The following FGF18 variants were observed in gnomAD, a reference collection of about 807,000 sequenced individuals.
FGF18 encodes the protein fibroblast growth factor 18.
Under a neutral mutation model 23.0 loss-of-function variants are expected in FGF18, and 5 were observed. The observed-to-expected ratio is 0.22, with a 90% CI of 0.11 to 0.46. The LOEUF is 0.46. FGF18 is among the 20% of genes least tolerant of loss of function. FGF18 has a pLI of 0.99. For missense variants in FGF18, 180 were observed against 291.6 expected, an observed-to-expected ratio of 0.62 and a Z score of 2.79; for synonymous variants, 117 against 118.9, an observed-to-expected ratio of 0.98 and a Z score of 0.10.
chr5:171,420,538 C>A, intron 2 of FGF18, 95 bp downstream of exon 2: 1 of 1,242,568 alleles, frequency 8.0e-7, no homozygotes, highest in Non-Finnish European at 1.2e-6. Context: ...TGTGCCCCAC[C>A]CCTCCTGGGC....
rs890918769 is a variant in FGF18 at position 171,456,409 on chromosome 5, C to T, written c.358-130C>T. The T allele has an allele frequency of 1.1e-5, 9 of 851,876 alleles. No individual in the cohort carries two copies. The highest frequency in any genetic ancestry group is 1.8e-5 in the South Asian group (1 of 56,476). The allele number at this position is 851,876 out of a possible 1,614,324, so 52.8% of individuals were successfully genotyped here. ...AGAGTTAAGCTCAATCTCTCTCCCC[C>T]ACTGCAAAACTTCATTACAGTTGTC... On this transcript the variant is annotated intron_variant, in intron 4 of 4. Transcript: ENST00000274625. This position sits in a 1 kb window ranked among gnomAD's most constrained non-coding sequence, Gnocchi z 6.1.
chr5:171,450,637 GC>G (rs1225418357), intron 4 of FGF18, among the ~76,000 whole-genome samples: 1 of 152,224 alleles, frequency 6.6e-6, no homozygotes, highest in Admixed American at 6.5e-5. Flanking sequence ...TCCGCAGAGC[GC>G]GGCTCCGGGA....
intron 3 of FGF18, among the ~76,000 whole-genome samples, chr5:171,442,731 C>T (rs1772364008): frequency 6.6e-6 from 1 of 152,238 alleles, no homozygotes; most frequent in Non-Finnish European, 1.5e-5. Context: ...CTCTGGCTGC[C>T]TCTCTGAGTC....
intron 3 of FGF18, among the ~76,000 whole-genome samples, chr5:171,443,973 C>A (rs1772383589): frequency 6.6e-6 from 1 of 151,938 alleles, no homozygotes; most frequent in South Asian, 2.1e-4. Flanking sequence ...TTTCATGCAG[C>A]CTTTTCTCCT....
rs1404769849 is a variant in FGF18, at chr5:171,449,392, TGTGTGTGTGAGAGA to T, written c.357+141_357+154del. ...GTGTGTGTGTGTGTGTGTGTGTGTG[TGTGTGTGTGAGAGA>T]GAGAGAGAGAGAGAGAGACAGGAGA... On this transcript the variant is annotated intron_variant, in intron 4 of 4. Coordinates refer to ENST00000274625, the MANE Select transcript of FGF18 (RefSeq NM_003862.3). 14 of 522,202 alleles carry T rather than the reference TGTGTGTGTGAGAGA, an allele frequency of 2.7e-5. No individual in the cohort carries two copies. In the Middle Eastern group the frequency reaches 2.1e-3, roughly 80 times the overall value. 32.3% of individuals were successfully genotyped at this position (522,202 alleles called of 1,614,324 possible).
rs1426622547 is a variant in FGF18 at position 171,457,158 on chromosome 5, GAAAAAAAAAAAAAACA to G, written c.*362_*377del. 1.3e-3 allele frequency: 114 copies of G among 90,692 alleles called. No individual in the cohort carries two copies. Among genetic ancestry groups the G allele is most frequent in the Middle Eastern group, 5.2e-3 (1 of 192 alleles). The allele number at this position is 90,692 out of a possible 1,614,324, so 5.6% of individuals were successfully genotyped here. ...TCCTTTTTCCCAAAGGTTCTGAAAG[GAAAAAAAAAAAAAACA>G]AAAAAAAAGAAAAACAAAGAGAAAG... On this transcript the variant is annotated 3_prime_UTR_variant, in exon 5 of 5. Coordinates refer to ENST00000274625, the MANE Select transcript of FGF18 (RefSeq NM_003862.3).
At chr5:171,423,464 G>A (rs1278471008) in intron 2 of FGF18, among the ~76,000 whole-genome samples, 3 of 152,172 alleles carry the variant, frequency 2.0e-5, no homozygotes, top group Non-Finnish European at 4.4e-5. Context: ...GCTAGGTCCT[G>A]GCCTTCCCCA....
In FGF18 at chr5:171,451,060, CCCCGCCGCCGGCCGCCTCCCG is replaced by C. The variant is rs1404312094; in HGVS notation, c.357+1813_357+1833del. 3.3e-5 allele frequency among the ~76,000 whole-genome samples: 5 copies of C among 151,244 alleles called. No individual in the cohort carries two copies. Among genetic ancestry groups the C allele is most frequent in the Admixed American group, 6.6e-5 (1 of 15,218 alleles). On this transcript the variant is annotated intron_variant, in intron 4 of 4. Coordinates refer to ENST00000274625, the MANE Select transcript of FGF18 (RefSeq NM_003862.3). The surrounding 1 kb of genome is among the most constrained non-coding windows in gnomAD (Gnocchi z 4.5). ...CCCGTCCCCTCGGGCCGCCCCCCCA[CCCCGCCGCCGGCCGCCTCCCG>C]CCCGCGGGCGAGCCGCTGAGTCACC...
intron 2 of FGF18, among the ~76,000 whole-genome samples, chr5:171,433,827 G>A (rs1265597641): frequency 6.6e-6 from 1 of 152,204 alleles, no homozygotes; most frequent in Non-Finnish European, 1.5e-5. Flanking sequence ...CATCTTCCCA[G>A]ATATAAATCT....
intron 2 of FGF18, among the ~76,000 whole-genome samples, chr5:171,428,840 G>A (rs964400762): frequency 4.6e-5 from 7 of 152,200 alleles, no homozygotes; most frequent in Non-Finnish European, 8.8e-5. Flanking sequence ...GGGTCTTTAC[G>A]GCTCCAGGGT....
At position 171,436,311 on chromosome 5, in the gene FGF18, T is replaced by C. The variant is rs1216660163; in HGVS notation, c.250+38T>C. On this transcript the variant is annotated intron_variant, in intron 3 of 4. Transcript: ENST00000274625. The surrounding 1 kb of genome is among the most constrained non-coding windows in gnomAD (Gnocchi z 4.4). ...CCTCTCCTCCTACTCCGTGTACCCG[T>C]GTACATGTCCTTCCTGGCCTCAGAG... 3 of 1,419,578 alleles carry C rather than the reference T, an allele frequency of 2.1e-6. No homozygotes were observed. The highest frequency in any genetic ancestry group is 2.8e-6 in the Non-Finnish European group (3 of 1,072,160). 87.9% of individuals were successfully genotyped at this position (1,419,578 alleles called of 1,614,324 possible).
chr5:171,424,445 A>C (rs1411370258), intron 2 of FGF18, among the ~76,000 whole-genome samples: 1 of 152,252 alleles, frequency 6.6e-6, no homozygotes, highest in Non-Finnish European at 1.5e-5. Flanking sequence ...AAGAGAGGGT[A>C]ATAATTCTGT....
intron 2 of FGF18, among the ~76,000 whole-genome samples, chr5:171,429,935 T>G (rs1421524105): frequency 6.6e-6 from 1 of 152,230 alleles, no homozygotes; most frequent in African/African-American, 2.4e-5. Context: ...GGGAGAACAG[T>G]GGCAGGCGAG....
intron 3 of FGF18, among the ~76,000 whole-genome samples, chr5:171,439,401 G>A (rs1485412860): frequency 6.6e-6 from 1 of 152,182 alleles, no homozygotes; most frequent in Non-Finnish European, 1.5e-5. Flanking sequence ...CAGAGGGCTG[G>A]AGGCTTAGGT....
chr5:171,420,584 G>A (rs1157781188), intron 2 of FGF18, 141 bp downstream of exon 2: 4 of 802,252 alleles, frequency 5.0e-6, no homozygotes, highest in African/African-American at 1.8e-5. Context: ...GGGCGCGGAA[G>A]GGCGGCTCCG....
chr5:171,432,850 G>A (rs1772200966), intron 2 of FGF18, among the ~76,000 whole-genome samples: 1 of 152,214 alleles, frequency 6.6e-6, no homozygotes, highest in Non-Finnish European at 1.5e-5. Flanking sequence ...CTCACTTTTG[G>A]CCGCCGCCTT....
chr5:171,420,850 G>A (rs531622368), intron 2 of FGF18, among the ~76,000 whole-genome samples: 25 of 152,382 alleles, frequency 1.6e-4, no homozygotes, highest in South Asian at 8.3e-4. Flanking sequence ...CAGCCGAGTG[G>A]ATTTCGAGTC....
intron 3 of FGF18, among the ~76,000 whole-genome samples, chr5:171,437,368 ACC>A (rs1772263946): frequency 6.6e-6 from 1 of 152,150 alleles, no homozygotes; most frequent in African/African-American, 2.4e-5. Flanking sequence ...TGGCAGCTGC[ACC>A]GTCACTGGGG....
chr5:171,442,644 G>T (rs1772363170), intron 3 of FGF18, among the ~76,000 whole-genome samples: 1 of 152,198 alleles, frequency 6.6e-6, no homozygotes, highest in Non-Finnish European at 1.5e-5. Context: ...TTGTTCTCTT[G>T]GGTTCTGCCT....
Sources: allele counts gnomAD v4.1 joint callset (sites outside exome capture counted in the v4.1 genomes callset), GRCh38; gene constraint gnomAD v4.1.1; non-coding constraint Gnocchi (gnomAD v3.1); transcripts MANE v1.5; gene names NCBI Gene and HGNC (gene_info 2026-07-23, HGNC 2026-07-21).